VPS39: variants seen among roughly 807,000 people sequenced by gnomAD.
VPS39 encodes the protein VPS39 subunit of HOPS complex.
A neutral mutation model predicts 121.0 loss-of-function variants in VPS39; 70 were observed. The observed-to-expected ratio is 0.58, with a 90% confidence interval of 0.48 to 0.71. VPS39 has a LOEUF of 0.71. Among genes scored for constraint, VPS39 ranks in the 30% least tolerant of loss-of-function variants. The probability of loss-of-function intolerance (pLI) is 0.00; values close to 1 mark genes in which losing one functional copy is unlikely to be tolerated. For missense variants in VPS39, 818 were observed against 1,051.5 expected, an observed-to-expected ratio of 0.78 and a Z score of 3.07; for synonymous variants, 378 against 398.1, an observed-to-expected ratio of 0.95 and a Z score of 0.60.
At chr15:42,163,254 CCTGT>C in intron 21 of VPS39, 92 bp downstream of exon 21, 1 of 1,429,894 alleles carries the variant, frequency 7.0e-7, no homozygotes, top group East Asian at 2.3e-5. Flanking sequence ...TGACTCGTGC[CCTGT>C]CTTATTCTGC....
chr15:42,168,269 C>A (rs2049282653), intron 12 of VPS39, among the ~76,000 whole-genome samples: 1 of 152,242 alleles, frequency 6.6e-6, no homozygotes, highest in African/African-American at 2.4e-5. Flanking sequence ...CTTCCTACAG[C>A]TAAGACATTG....
At chr15:42,191,005 C>A in intron 4 of VPS39, 120 bp downstream of exon 4, 2 of 1,114,776 alleles carry the variant, frequency 1.8e-6, no homozygotes, top group South Asian at 1.3e-5. Context: ...CCTGTTATAC[C>A]AGGTTTGGAA....
Position 42,178,099 on chromosome 15 carries a change from C to G in VPS39, c.960+119G>C, listed in dbSNP as rs759103926. 191 of 1,390,398 alleles carry G rather than the reference C, an allele frequency of 1.4e-4. 1 individual carries two copies. The highest frequency in any genetic ancestry group is 9.4e-4 in the Admixed American group (44 of 46,602). The allele number at this position is 1,390,398 out of a possible 1,614,324, so 86.1% of individuals were successfully genotyped here. ...GTGGAGTCAGACCTAGTATTCAAGG[C>G]CCTGGACTTTCAGCTATGTGCTTAT... On this transcript the variant is annotated intron_variant, in intron 10 of 24. Coordinates refer to ENST00000318006, the MANE Select transcript of VPS39 (RefSeq NM_015289.5).
chr15:42,182,875 G>T (rs954343644), intron 8 of VPS39, among the ~76,000 whole-genome samples: 1 of 152,168 alleles, frequency 6.6e-6, no homozygotes, highest in Non-Finnish European at 1.5e-5. Context: ...AAACACGCTT[G>T]ACTTTTACAT....
At chr15:42,191,926 T>C in intron 2 of VPS39, 1 of 1,016,090 alleles carries the variant, frequency 9.8e-7, no homozygotes, top group Non-Finnish European at 1.4e-6. Flanking sequence ...GCCCAAGCCA[T>C]GAAACCCAGC....
intron 11 of VPS39, among the ~76,000 whole-genome samples, chr15:42,172,528 C>T (rs182614730): frequency 1.6e-4 from 25 of 152,340 alleles, no homozygotes; most frequent in African/African-American, 5.3e-4. Context: ...TTAAGCCATA[C>T]AGTTTTGGGG....
intron 3 of VPS39, 137 bp from the exon 4 acceptor site, chr15:42,191,304 T>C: frequency 2.5e-6 from 3 of 1,187,084 alleles, no homozygotes; most frequent in Non-Finnish European, 2.4e-6. Context: ...CTGGGCACTA[T>C]AATTTCTGTG....
At chr15:42,164,937 C>G in intron 18 of VPS39, 59 bp downstream of exon 18, 1 of 1,604,688 alleles carries the variant, frequency 6.2e-7, no homozygotes, top group Non-Finnish European at 8.5e-7. Flanking sequence ...CACGTGGCAC[C>G]TGGGTCTGTG....
chr15:42,199,193 G>A (rs1178610587), intron 2 of VPS39, among the ~76,000 whole-genome samples: 2 of 152,170 alleles, frequency 1.3e-5, no homozygotes, highest in Non-Finnish European at 2.9e-5. Context: ...AGAGAGCACA[G>A]AAACGAAAAC....
At chr15:42,174,832 G>A (rs2049416053) in intron 10 of VPS39, among the ~76,000 whole-genome samples, 3 of 152,104 alleles carry the variant, frequency 2.0e-5, no homozygotes, top group Non-Finnish European at 2.9e-5. Context: ...AAATTAGCTG[G>A]ACATGGTGGC....
intron 8 of VPS39, among the ~76,000 whole-genome samples, chr15:42,179,768 A>G (rs1300323727): frequency 1.3e-5 from 2 of 152,078 alleles, no homozygotes; most frequent in African/African-American, 4.8e-5. Flanking sequence ...AAAAGGTGTG[A>G]TGCTCCACCT....
intron 5 of VPS39, 100 bp downstream of exon 5, chr15:42,189,014 G>A: frequency 1.2e-6 from 1 of 851,294 alleles, no homozygotes; most frequent in Non-Finnish European, 2.0e-6. Context: ...TGTTGGGTAT[G>A]GATCATCAGT....
At chr15:42,207,749 G>A (rs1438634678) in intron 1 of VPS39, among the ~76,000 whole-genome samples, 1 of 152,178 alleles carries the variant, frequency 6.6e-6, no homozygotes. Flanking sequence ...TTACTGCTTT[G>A]ACCCTCTAAA....
chr15:42,184,406 G>A, intron 8 of VPS39, 111 bp downstream of exon 8: 1 of 1,139,804 alleles, frequency 8.8e-7, no homozygotes, highest in South Asian at 2.0e-5. Context: ...AACTGAAAGT[G>A]AATGACACAA....
chr15:42,184,488 T>C (rs2049657598), intron 8 of VPS39, 29 bp downstream of exon 8: 5 of 1,564,094 alleles, frequency 3.2e-6, no homozygotes, highest in Non-Finnish European at 4.3e-6. Flanking sequence ...CAACCCAAAG[T>C]GGGAAACAGC....
chr15:42,174,349 G>A (rs1431039503), intron 10 of VPS39, among the ~76,000 whole-genome samples: 2 of 152,150 alleles, frequency 1.3e-5, no homozygotes, highest in African/African-American at 4.8e-5. Context: ...AAGTAACTAC[G>A]CAATTAAAAC....
At chr15:42,176,901 A>T (rs1323171209) in intron 10 of VPS39, among the ~76,000 whole-genome samples, 1 of 152,136 alleles carries the variant, frequency 6.6e-6, no homozygotes, top group African/African-American at 2.4e-5. Flanking sequence ...AGTAGTTCAC[A>T]TCTATAATCC....
chr15:42,199,829 T>C, intron 2 of VPS39, 67 bp downstream of exon 2: 1 of 1,488,514 alleles, frequency 6.7e-7, no homozygotes, highest in East Asian at 2.4e-5. Flanking sequence ...CAGGAATAAC[T>C]GATTTCACAG....
chr15:42,163,129 G>A (rs1376788380), intron 21 of VPS39, among the ~76,000 whole-genome samples: 3 of 152,162 alleles, frequency 2.0e-5, no homozygotes, highest in Non-Finnish European at 4.4e-5. Flanking sequence ...AAAGAGACAG[G>A]AGTGCTATTA....
Sources: gnomAD v4.1 joint callset for allele counts (sites outside exome capture counted in the v4.1 genomes callset) on GRCh38, gnomAD v4.1.1 for gene constraint, MANE v1.5 for transcripts, NCBI Gene and HGNC (gene_info 2026-07-23, HGNC 2026-07-21) for gene names.